The following UNC5C variants were observed in gnomAD, a reference collection of about 807,000 sequenced individuals.
UNC5C encodes the protein unc-5 netrin receptor C, also known as netrin receptor UNC5C.
UNC5C carries 47 observed loss-of-function variants against 99.8 expected under a neutral mutation model. The observed-to-expected ratio is 0.47, with a 90% CI of 0.37 to 0.60. UNC5C has a LOEUF of 0.60. Ranked by LOEUF, UNC5C falls within the 20% of genes least tolerant of loss-of-function variation. UNC5C has a pLI of 0.00. For missense variants in UNC5C, 1,062 were observed against 1,165.9 expected, an observed-to-expected ratio of 0.91 and a Z score of 1.30; for synonymous variants, 487 against 452.2, an observed-to-expected ratio of 1.08 and a Z score of -0.98.
intron 4 of UNC5C, among the ~76,000 whole-genome samples, chr4:95,274,038 A>G (rs1740761877): frequency 6.6e-6 from 1 of 152,202 alleles, no homozygotes; most frequent in East Asian, 1.9e-4. Flanking sequence ...GTGACTTATA[A>G]CCTGCTGGCA....
At chr4:95,544,937 T>G (rs1418928486) in intron 1 of UNC5C, among the ~76,000 whole-genome samples, 1 of 152,206 alleles carries the variant, frequency 6.6e-6, no homozygotes, top group Non-Finnish European at 1.5e-5. Flanking sequence ...ATCAGAAAAG[T>G]GTTAAACGCA....
intron 1 of UNC5C, among the ~76,000 whole-genome samples, chr4:95,405,753 C>G (rs1745816076): frequency 6.6e-6 from 1 of 152,168 alleles, no homozygotes; most frequent in Non-Finnish European, 1.5e-5. Context: ...TTGCTGCGTG[C>G]CTGAACTTCC....
In UNC5C at chr4:95,231,221, G is replaced by A. The variant is rs116453769; in HGVS notation, c.1109-11045C>T. ...AAAGAGATAGGTAGAGTTTTAGGAG[G>A]TGTCCTGCTTGCCTTTGAGGTTTAC... On this transcript the variant is annotated intron_variant, in intron 7 of 15. Transcript: ENST00000453304. Among the ~76,000 whole-genome samples the A allele has an allele frequency of 8.5e-3, 1,289 of 152,096 alleles. 14 individuals carry two copies. The highest frequency in any genetic ancestry group is 0.013 in the Non-Finnish European group (891 of 67,998).
chr4:95,236,476 TA>T (rs1315009392), intron 7 of UNC5C, among the ~76,000 whole-genome samples: 1 of 151,702 alleles, frequency 6.6e-6, no homozygotes. Context: ...GAGATATACC[TA>T]ATGTAAATGA....
intron 4 of UNC5C, among the ~76,000 whole-genome samples, chr4:95,262,345 G>A (rs1388593074): frequency 6.6e-6 from 1 of 152,186 alleles, no homozygotes; most frequent in East Asian, 1.9e-4. Flanking sequence ...GACGTGCAGA[G>A]TTGAGGGACA....
intron 14 of UNC5C, among the ~76,000 whole-genome samples, chr4:95,172,938 C>T (rs924256775): frequency 4.6e-5 from 7 of 152,118 alleles, no homozygotes; most frequent in African/African-American, 1.4e-4. Context: ...TGTAGTTCTC[C>T]TTGAAGAGGT....
intron 1 of UNC5C, among the ~76,000 whole-genome samples, chr4:95,354,096 T>C (rs1386999943): frequency 2.0e-5 from 3 of 152,170 alleles, no homozygotes; most frequent in Non-Finnish European, 4.4e-5. Context: ...ACTCATTGTA[T>C]GACCTACATA....
intron 1 of UNC5C, among the ~76,000 whole-genome samples, chr4:95,392,339 A>G (rs1405921174): frequency 6.6e-6 from 1 of 152,072 alleles, no homozygotes; most frequent in African/African-American, 2.4e-5. Flanking sequence ...TATTCTAGTT[A>G]AAATGCTTAC....
chr4:95,340,796 G>A (rs1399181543), intron 1 of UNC5C, among the ~76,000 whole-genome samples: 2 of 152,054 alleles, frequency 1.3e-5, no homozygotes, highest in South Asian at 2.1e-4. Context: ...AAGCCTTCAT[G>A]AACTCTGACT....
chr4:95,411,797 G>A (rs999263992), intron 1 of UNC5C, among the ~76,000 whole-genome samples: 1 of 152,118 alleles, frequency 6.6e-6, no homozygotes, highest in African/African-American at 2.4e-5. Flanking sequence ...TTCAGCAGGG[G>A]TAACTGGATC....
At chr4:95,262,161 T>C (rs1481141073) in intron 4 of UNC5C, among the ~76,000 whole-genome samples, 1 of 152,180 alleles carries the variant, frequency 6.6e-6, no homozygotes. Flanking sequence ...AGTGTTGTAG[T>C]TGAGAAAATA....
At chr4:95,201,677 C>T (rs1234192355) in intron 12 of UNC5C, among the ~76,000 whole-genome samples, 2 of 151,872 alleles carry the variant, frequency 1.3e-5, no homozygotes, top group East Asian at 2.0e-4. Context: ...GATTTCGGCT[C>T]ACTGCAACCT....
chr4:95,448,264 A>AGAGAGAGAGAGAGAGAGAGAGAC (rs1166506672), intron 1 of UNC5C, among the ~76,000 whole-genome samples: 2 of 55,486 alleles, frequency 3.6e-5, no homozygotes, highest in Admixed American at 1.6e-4. Flanking sequence ...GAGAGAGAGA[A>AGAGAGAGAGAGAGAGAGAGAGAC]AGCCTGATTT....
At chr4:95,201,931 G>A (rs1233962199) in intron 12 of UNC5C, among the ~76,000 whole-genome samples, 1 of 152,072 alleles carries the variant, frequency 6.6e-6, no homozygotes, top group Non-Finnish European at 1.5e-5. Flanking sequence ...GTTTGCTTCT[G>A]TGTTTATTCA....
At chr4:95,216,796 G>C (rs757808122) in intron 9 of UNC5C, among the ~76,000 whole-genome samples, 18 of 152,182 alleles carry the variant, frequency 1.2e-4, no homozygotes, top group Admixed American at 1.3e-4. Context: ...TATTAGATTG[G>C]GCTGTGTTCT....
At chr4:95,453,076 T>C (rs1245597801) in intron 1 of UNC5C, among the ~76,000 whole-genome samples, 1 of 152,094 alleles carries the variant, frequency 6.6e-6, no homozygotes, top group Non-Finnish European at 1.5e-5. Flanking sequence ...TTGAAACTAG[T>C]TTTTCTCCCT....
At chr4:95,278,986 C>T (rs925633286) in intron 3 of UNC5C, among the ~76,000 whole-genome samples, 9 of 152,106 alleles carry the variant, frequency 5.9e-5, no homozygotes, top group African/African-American at 2.2e-4. Context: ...ATGATGATCA[C>T]AGTTTTAAAT....
At chr4:95,442,886 GCTT>G (rs1181512590) in intron 1 of UNC5C, among the ~76,000 whole-genome samples, 1 of 151,926 alleles carries the variant, frequency 6.6e-6, no homozygotes, top group Non-Finnish European at 1.5e-5. Context: ...TGTATGTATA[GCTT>G]CTTCTTGTAT....
In UNC5C at chr4:95,218,977, G is replaced by C. The variant is rs766500731; in HGVS notation, c.1637C>G (p.Pro546Arg). The C allele has an allele frequency of 5.0e-6, 8 of 1,598,618 alleles. No individual in the cohort carries two copies. Reference sequence around the variant, plus strand: ...AAACCTCTAGGAATTACCTGAATTGGGAACAATAAGGTGACCTCCCAGCGA... The same window carrying C: ...AAACCTCTAGGAATTACCTGAATTGCGAACAATAAGGTGACCTCCCAGCGA... Reference protein sequence around the residue: ...FNSLGGHLIVPNSGVSLLIPA... With the variant: ...FNSLGGHLIVRNSGVSLLIPA... The change falls in exon 9 of 16, where the codon CCC becomes CGC. Residue 546 changes from proline to arginine, a missense_variant. Coordinates refer to ENST00000453304, the MANE Select transcript of UNC5C (RefSeq NM_003728.4).
Sources: allele counts gnomAD v4.1 joint callset (sites outside exome capture counted in the v4.1 genomes callset), GRCh38; gene constraint gnomAD v4.1.1; transcripts MANE v1.5; gene names NCBI Gene and HGNC (gene_info 2026-07-23, HGNC 2026-07-21).